MYT1L: variants seen among roughly 807,000 people sequenced by gnomAD.
MYT1L encodes myelin transcription factor 1-like protein.
A neutral mutation model predicts 126.7 loss-of-function variants in MYT1L; 12 were observed. The observed-to-expected ratio is 0.09, with a 90% CI of 0.06 to 0.15. MYT1L has a LOEUF of 0.15. MYT1L is among the 10% of genes least tolerant of loss of function. The pLI, the probability that MYT1L is intolerant of heterozygous loss-of-function variation, is 1.00. For missense variants in MYT1L, 979 were observed against 1,585.2 expected (o/e 0.62, Z 6.49); for synonymous variants, 541 against 604.2 (o/e 0.90, Z 1.53).
rs78413822 is a variant in MYT1L at position 2,043,928 on chromosome 2, G to A, written c.-158+10050C>T. On this transcript the variant is annotated intron_variant, in intron 4 of 24. Transcript: ENST00000647738. ...ATTTGATGGATTAGAGAGAAGACAC[G>A]ATTTTTATCATTTTGGCTGACAGAG... Among the ~76,000 whole-genome samples the A allele has an allele frequency of 4.1e-3, 631 of 152,200 alleles. 3 individuals carry two copies. Among genetic ancestry groups the A allele is most frequent in the African/African-American group, 0.015 (602 of 41,514 alleles).
chr2:1,991,239 T>C (rs915173937), intron 5 of MYT1L, among the ~76,000 whole-genome samples: 4 of 152,170 alleles, frequency 2.6e-5, no homozygotes, highest in African/African-American at 9.7e-5. Flanking sequence ...GGGGCTCCTG[T>C]TGGATCCCAC....
At chr2:1,813,576 A>T (rs918109579) in intron 21 of MYT1L, among the ~76,000 whole-genome samples, 1 of 152,102 alleles carries the variant, frequency 6.6e-6, no homozygotes, top group East Asian at 1.9e-4. Context: ...CCGCCTCCCG[A>T]CACGTCAGCG....
At chr2:1,896,780 T>TAAATAAAAGTTTATTTAGATAC (rs1236099504) in intron 14 of MYT1L, among the ~76,000 whole-genome samples, 1 of 152,194 alleles carries the variant, frequency 6.6e-6, no homozygotes, top group Non-Finnish European at 1.5e-5. Context: ...ACAGGTACCC[T>TAAATAAAAGTTTATTTAGATAC]CTGTATCTAA....
chr2:2,008,605 C>T (rs1314586340), intron 4 of MYT1L, among the ~76,000 whole-genome samples: 1 of 152,086 alleles, frequency 6.6e-6, no homozygotes, highest in African/African-American at 2.4e-5. Context: ...ATGTGATTTG[C>T]AAACTTTTTT....
At chr2:2,004,465 A>G (rs1323217033) in intron 4 of MYT1L, among the ~76,000 whole-genome samples, 22 of 81,860 alleles carry the variant, frequency 2.7e-4, no homozygotes, top group East Asian at 9.2e-4. Flanking sequence ...TTTCCTGAAT[A>G]TGTTCTTTCC....
intron 3 of MYT1L, among the ~76,000 whole-genome samples, chr2:2,065,789 T>G (rs1245128257): frequency 6.6e-6 from 1 of 151,302 alleles, no homozygotes; most frequent in Non-Finnish European, 1.5e-5. Flanking sequence ...TGGAACTTAA[T>G]AATTTCCTAG....
rs1483841430 is a variant in MYT1L at position 1,848,216 on chromosome 2, G to C, written c.2774+3425C>G. Among the ~76,000 whole-genome samples the C allele has an allele frequency of 1.3e-5, 2 of 152,370 alleles. 1 individual carries two copies. The highest frequency in any genetic ancestry group is 6.8e-3 in the Middle Eastern group (2 of 294). On this transcript the variant is annotated intron_variant, in intron 19 of 24. Coordinates refer to ENST00000647738, the MANE Select transcript of MYT1L (RefSeq NM_001303052.2). The surrounding 1 kb of genome is among the most constrained non-coding windows in gnomAD (Gnocchi z 4.8). ...CTCAGATGGGAGCTGGGAATGCTCT[G>C]CAACTGCAGACAGAATTGGAGTGTG...
intron 8 of MYT1L, among the ~76,000 whole-genome samples, chr2:1,973,918 TCCCAGCCAGCAAACTG>T (rs1380531571): frequency 6.6e-6 from 1 of 152,184 alleles, no homozygotes; most frequent in Non-Finnish European, 1.5e-5. Context: ...CACGGGGCCT[TCCCAGCCAGCAAACTG>T]CTACGAGGGT....
intron 3 of MYT1L, among the ~76,000 whole-genome samples, chr2:2,088,460 T>C (rs1330947744): frequency 6.6e-6 from 1 of 152,168 alleles, no homozygotes; most frequent in African/African-American, 2.4e-5. Context: ...CAGTAGGCTG[T>C]TGGCCTGGGC....
At chr2:1,840,382 A>G (rs1407207005) in intron 20 of MYT1L, among the ~76,000 whole-genome samples, 1 of 152,094 alleles carries the variant, frequency 6.6e-6, no homozygotes, top group African/African-American at 2.4e-5. Context: ...TATAAGCCAG[A>G]ATACCAGTGA....
chr2:2,204,040 G>A (rs1211438765), intron 2 of MYT1L, among the ~76,000 whole-genome samples: 1 of 152,116 alleles, frequency 6.6e-6, no homozygotes, highest in Non-Finnish European at 1.5e-5. Context: ...AATGGTGCTG[G>A]GAAAACTGGC....
chr2:2,284,087 C>T (rs191672984), intron 2 of MYT1L, among the ~76,000 whole-genome samples: 11 of 152,230 alleles, frequency 7.2e-5, no homozygotes, highest in African/African-American at 2.6e-4. Context: ...TTAAACATAA[C>T]TATATGTTTT....
chr2:2,082,879 C>T (rs986876832), intron 3 of MYT1L, among the ~76,000 whole-genome samples: 11 of 152,180 alleles, frequency 7.2e-5, no homozygotes, highest in African/African-American at 2.7e-4. Context: ...TCGCCCAAGA[C>T]CTCATGCCTG....
intron 3 of MYT1L, among the ~76,000 whole-genome samples, chr2:2,093,631 T>C (rs1277063509): frequency 7.2e-5 from 11 of 152,166 alleles, no homozygotes; most frequent in Non-Finnish European, 2.9e-5. Context: ...TTTCTCCCAT[T>C]CTGTAGGTTG....
At chr2:1,802,016 A>G (rs1290028102) in intron 22 of MYT1L, 3 of 473,602 alleles carry the variant, frequency 6.3e-6, no homozygotes, top group African/African-American at 6.0e-5. Context: ...AAAGGAACAA[A>G]CAATTGAGAC....
intron 3 of MYT1L, among the ~76,000 whole-genome samples, chr2:2,096,933 G>A (rs896862706): frequency 1.3e-5 from 2 of 152,142 alleles, no homozygotes; most frequent in African/African-American, 2.4e-5. Context: ...ATAAAGTGTC[G>A]TCTTCACAGT....
chr2:1,902,436 C>T (rs1486631493), intron 14 of MYT1L, among the ~76,000 whole-genome samples: 4 of 152,224 alleles, frequency 2.6e-5, no homozygotes, highest in Non-Finnish European at 5.9e-5. Flanking sequence ...CACAGGGGGA[C>T]TCCGGTGCCG....
chr2:1,924,631 G>A (rs1233074827), intron 9 of MYT1L, among the ~76,000 whole-genome samples: 1 of 152,104 alleles, frequency 6.6e-6, no homozygotes, highest in Non-Finnish European at 1.5e-5. Context: ...CCACGCTGAA[G>A]GAACAAATAT....
intron 2 of MYT1L, among the ~76,000 whole-genome samples, chr2:2,240,692 G>A (rs1203641593): frequency 2.0e-5 from 3 of 152,168 alleles, no homozygotes; most frequent in East Asian, 1.9e-4. Context: ...CTGACATAGC[G>A]GTGTCCACAT....
Sources: gnomAD v4.1 joint callset for allele counts (sites outside exome capture counted in the v4.1 genomes callset) on GRCh38, gnomAD v4.1.1 for gene constraint, Gnocchi (gnomAD v3.1) non-coding constraint, MANE v1.5 for transcripts, NCBI Gene and HGNC (gene_info 2026-07-23, HGNC 2026-07-21) for gene names.